Variants in QKI observed in about 807,000 individuals in gnomAD.
The protein encoded by QKI is QKI, KH domain containing RNA binding, also known as KH domain-containing RNA-binding protein QKI.
QKI carries 10 observed loss-of-function variants against 39.0 expected under a neutral mutation model. The ratio of observed to expected loss-of-function variants is 0.26; its 90% CI spans 0.16 to 0.43. The LOEUF is 0.43. QKI is among the 20% of genes least tolerant of loss of function. The pLI is 1.00. For missense variants in QKI, 218 were observed against 428.0 expected (o/e 0.51, Z 4.33); for synonymous variants, 204 against 155.4 (o/e 1.31, Z -2.33).
At chr6:163,519,996 A>G (rs2128237334) in intron 3 of QKI, among the ~76,000 whole-genome samples, 1 of 152,272 alleles carries the variant, frequency 6.6e-6, no homozygotes, top group Non-Finnish European at 1.5e-5. Context: ...TGGACAAGTA[A>G]CGTACCCTTT....
At chr6:163,418,754 AAC>A (rs1787755817) in intron 1 of QKI, among the ~76,000 whole-genome samples, 1 of 152,194 alleles carries the variant, frequency 6.6e-6, no homozygotes, top group Non-Finnish European at 1.5e-5. Flanking sequence ...TTTTTAAAAA[AAC>A]AGACTTTTCT....
At chr6:163,552,418 G>A (rs897586288) in intron 4 of QKI, among the ~76,000 whole-genome samples, 1 of 152,044 alleles carries the variant, frequency 6.6e-6, no homozygotes, top group African/African-American at 2.4e-5. Context: ...CACCGTGTTA[G>A]CCAGGATGGT....
chr6:163,526,248 A>G lies in QKI; in HGVS notation c.403-8734A>G, dbSNP rs1018385445. ...GGATTTTGATGATTTAGGAAGGAAA[A>G]TGGGTATAAGGTAGAAATGTCTTTT... On this transcript the variant is annotated intron_variant, in intron 3 of 7. Coordinates refer to ENST00000361752, the MANE Select transcript of QKI (RefSeq NM_006775.3). Among the ~76,000 whole-genome samples the G allele has an allele frequency of 1.5e-4, 23 of 152,316 alleles. No individual in the cohort carries two copies. In the East Asian group the frequency reaches 3.9e-3, roughly 26 times the overall value.
intron 1 of QKI, chr6:163,423,416 G>T (rs1434609400): frequency 6.6e-6 from 1 of 152,262 alleles, no homozygotes; most frequent in African/African-American, 2.4e-5. Context: ...TGAGAGTTGG[G>T]AGTATATGTT....
At chr6:163,445,708 G>A (rs967005026) in intron 1 of QKI, among the ~76,000 whole-genome samples, 2 of 151,052 alleles carry the variant, frequency 1.3e-5, no homozygotes, top group African/African-American at 4.9e-5. Flanking sequence ...TCCGCCTCCC[G>A]GGTTCATGCC....
chr6:163,490,497 G>A (rs1323838076), intron 3 of QKI, among the ~76,000 whole-genome samples: 1 of 152,104 alleles, frequency 6.6e-6, no homozygotes, highest in African/African-American at 2.4e-5. Flanking sequence ...GATTGAAGTA[G>A]GAGTTTACCA....
chr6:163,576,101 A>G lies in QKI; in HGVS notation c.*5391A>G, dbSNP rs1783961824. On this transcript the variant is annotated 3_prime_UTR_variant, in exon 8 of 8. Coordinates refer to ENST00000361752, the MANE Select transcript of QKI (RefSeq NM_006775.3). The stretch of plus-strand genomic sequence containing the variant: ...TTGTCACGAATTCCTTAATACCTTT[A>G]TTTAAAATGGAAAAAATATGGACAA... The G allele has an allele frequency of 6.6e-6, 1 of 152,190 alleles. No homozygotes were observed. The highest frequency in any genetic ancestry group is 1.5e-5 in the Non-Finnish European group (1 of 68,030). 9.4% of individuals were successfully genotyped at this position (152,190 alleles called of 1,614,324 possible). A position where few individuals can be genotyped will look rare whatever the true frequency, so the allele number is the denominator to read the frequency against.
chr6:163,541,421 C>T (rs1049385991), intron 4 of QKI, among the ~76,000 whole-genome samples: 1 of 151,298 alleles, frequency 6.6e-6, no homozygotes, highest in Non-Finnish European at 1.5e-5. Flanking sequence ...GTGAATTCTG[C>T]AGTAGTTGCG....
chr6:163,478,318 A>G (rs1481551250), intron 2 of QKI, among the ~76,000 whole-genome samples: 2 of 152,338 alleles, frequency 1.3e-5, no homozygotes, highest in African/African-American at 4.8e-5. Flanking sequence ...CTTTGGAGAA[A>G]GTATAATTTT....
At chr6:163,431,409 C>T (rs1201329559) in intron 1 of QKI, among the ~76,000 whole-genome samples, 2 of 151,966 alleles carry the variant, frequency 1.3e-5, no homozygotes, top group East Asian at 3.8e-4. Flanking sequence ...TAGAATCCTG[C>T]CAGCTTAAAC....
intron 3 of QKI, among the ~76,000 whole-genome samples, chr6:163,520,791 T>C (rs559345133): frequency 8.5e-5 from 13 of 152,362 alleles, no homozygotes; most frequent in Middle Eastern, 3.4e-3. Context: ...TTATTTAATA[T>C]ACTCTGCTGC....
rs1019843506 is a variant in QKI at position 163,572,546 on chromosome 6, C to T, written c.*1836C>T. Reference sequence around the variant, plus strand: ...ATTTCAGCTTAAGCTTCTAATTTCTCAAGAAGTTGAAACAGTTAGTTATGT... The same window carrying T: ...ATTTCAGCTTAAGCTTCTAATTTCTTAAGAAGTTGAAACAGTTAGTTATGT... On this transcript the variant is annotated 3_prime_UTR_variant, in exon 8 of 8. Coordinates refer to ENST00000361752, the MANE Select transcript of QKI (RefSeq NM_006775.3). 1.3e-5 allele frequency: 2 copies of T among 151,392 alleles called. No individual in the cohort carries two copies. The highest frequency in any genetic ancestry group is 2.9e-5 in the Non-Finnish European group (2 of 67,978). 9.4% of individuals were successfully genotyped at this position (151,392 alleles called of 1,614,324 possible).
chr6:163,576,843 A>G lies in QKI; in HGVS notation c.*6133A>G, dbSNP rs990367482. 6.6e-6 allele frequency: 1 copy of G among 152,224 alleles called. No homozygotes were observed. Among genetic ancestry groups the G allele is most frequent in the Admixed American group, 6.5e-5 (1 of 15,286 alleles). The allele number at this position is 152,224 out of a possible 1,614,324, so 9.4% of individuals were successfully genotyped here. A position where few individuals can be genotyped will look rare whatever the true frequency, so the allele number is the denominator to read the frequency against. Reference sequence around the variant, plus strand: ...TGTAAGAATTTGACATTCTGGAGTTATTATAACATTAGAAAATGAGCATAA... The same window carrying G: ...TGTAAGAATTTGACATTCTGGAGTTGTTATAACATTAGAAAATGAGCATAA... On this transcript the variant is annotated 3_prime_UTR_variant, in exon 8 of 8. Transcript: ENST00000361752.
At chr6:163,566,690 A>G (rs1214905112) in intron 6 of QKI, 31 bp from the exon 7 acceptor site, 19 of 1,611,546 alleles carry the variant, frequency 1.2e-5, no homozygotes, top group Non-Finnish European at 1.6e-5. Flanking sequence ...AATGTTTTCT[A>G]ACTTTGTCTT....
chr6:163,480,907 C>G (rs1646117807), intron 3 of QKI, among the ~76,000 whole-genome samples: 2 of 152,182 alleles, frequency 1.3e-5, no homozygotes, highest in Non-Finnish European at 1.5e-5. Flanking sequence ...AACAAAACCC[C>G]TTTTTCCCTG....
intron 1 of QKI, among the ~76,000 whole-genome samples, chr6:163,436,584 T>C (rs142888817): frequency 0.021 from 3,227 of 151,982 alleles, 111 homozygotes; most frequent in African/African-American, 0.073. Flanking sequence ...GAGGCCGAGG[T>C]GGGCTGATCA....
chr6:163,564,409 A>C, intron 6 of QKI: 3 of 1,349,988 alleles, frequency 2.2e-6, no homozygotes, highest in Non-Finnish European at 2.9e-6. Flanking sequence ...TGTTGACCAA[A>C]ATGTTGTTAT....
At chr6:163,451,704 A>G (rs902939100) in intron 1 of QKI, among the ~76,000 whole-genome samples, 1 of 152,194 alleles carries the variant, frequency 6.6e-6, no homozygotes, top group African/African-American at 2.4e-5. Context: ...TCTCTGAACA[A>G]CTGCTGCGGG....
chr6:163,569,540 C>A, intron 7 of QKI: 1 of 1,207,198 alleles, frequency 8.3e-7, no homozygotes, highest in South Asian at 1.6e-5. Flanking sequence ...GTTAAGTGGA[C>A]CAAGTTTGGT....
Sources: gnomAD v4.1 joint callset for allele counts (sites outside exome capture counted in the v4.1 genomes callset) on GRCh38, gnomAD v4.1.1 for gene constraint, MANE v1.5 for transcripts, NCBI Gene and HGNC (gene_info 2026-07-23, HGNC 2026-07-21) for gene names.